KIR2DL3: variants seen among roughly 807,000 people sequenced by gnomAD.
The protein encoded by KIR2DL3 is killer cell immunoglobulin like receptor, two Ig domains and long cytoplasmic tail 3.
In KIR2DL3, 39 loss-of-function variants were observed where a neutral mutation model predicts 33.8. That is an observed-to-expected ratio of 1.15 (90% CI 0.89 to 1.51). KIR2DL3 has a LOEUF of 1.51. Among genes scored for constraint, KIR2DL3 ranks in the 40% most tolerant of loss-of-function variants. The pLI is 0.00. For synonymous variants in KIR2DL3, 174 were observed against 160.2 expected (o/e 1.09, Z -0.65); for missense variants, 462 against 426.2 (o/e 1.08, Z -0.74).
chr19:54,748,689 T>C (rs2072950703), intron 5 of KIR2DL3, among the ~76,000 whole-genome samples: 1 of 144,988 alleles, frequency 6.9e-6, no homozygotes, highest in South Asian at 2.2e-4. Context: ...TGTCACGATC[T>C]TGGCTCACTG....
In KIR2DL3 at chr19:54,742,000, C is replaced by T. The variant is rs780975793; in HGVS notation, c.91C>T (p.Leu31Phe). Residue 31 changes from leucine to phenylalanine, a missense_variant, in exon 3 of 8, where the codon CTC becomes TTC. Transcript: ENST00000342376. ...CCTAGGAGTCCACAGAAAACCTTCC[C>T]TCCTGGCCCACCCAGGTCCCCTGGT... ...PHEGVHRKPS[L>F]LAHPGPLVKS... The T allele has an allele frequency of 1.1e-4, 183 of 1,610,918 alleles. No individual in the cohort carries two copies. The highest frequency in any genetic ancestry group is 1.5e-4 in the Non-Finnish European group (175 of 1,178,544).
At chr19:54,747,668 C>T (rs1466910119) in intron 5 of KIR2DL3, among the ~76,000 whole-genome samples, 2 of 152,206 alleles carry the variant, frequency 1.3e-5, no homozygotes, top group African/African-American at 4.8e-5. Context: ...GTTCTGCCTG[C>T]ATTCCTAACT....
intron 5 of KIR2DL3, among the ~76,000 whole-genome samples, chr19:54,749,756 G>A (rs2073141025): frequency 1.4e-5 from 1 of 69,296 alleles, no homozygotes. Context: ...AATTAGCCGA[G>A]CACGATGGTG....
rs1283716641 is a variant in KIR2DL3 at position 54,738,725 on chromosome 19, CTGGGCCTGGAGTGGAGATA to C, written c.34+158_34+176del. On this transcript the variant is annotated intron_variant, in intron 1 of 7. Transcript: ENST00000342376. ...GGAGATCTGGGCCTGGAGTGGAGAT[CTGGGCCTGGAGTGGAGATA>C]TGGGCCTGGAGGTTGAGATATGGGC... 5.3e-3 allele frequency: 3,498 copies of C among 658,658 alleles called. 87 individuals are homozygous for C. In the African/African-American group the frequency reaches 0.074, roughly 14 times the overall value. 40.8% of individuals were successfully genotyped at this position (658,658 alleles called of 1,614,324 possible).
chr19:54,752,458 G>T lies in KIR2DL3; in HGVS notation c.965G>T (p.Arg322Met). The change falls in exon 8 of 8, where the codon AGG (arginine) becomes ATG (methionine). Residue 322 changes from arginine (R) to methionine (M), a missense_variant. Transcript: ENST00000342376. ...AGAAAAATCACTCGCCCTTCTCAGAGGCCCAAGACACCCCCAACAGATATC... is the reference window on the plus strand; with the variant it reads ...AGAAAAATCACTCGCCCTTCTCAGATGCCCAAGACACCCCCAACAGATATC... ...TQRKITRPSQ[R>M]PKTPPTDIIV... 6.8e-7 allele frequency: 1 copy of T among 1,465,650 alleles called. No individual in the cohort carries two copies. The highest frequency in any genetic ancestry group is 1.5e-5 in the African/African-American group (1 of 64,946). The allele number at this position is 1,465,650 out of a possible 1,614,324, so 90.8% of individuals were successfully genotyped here. A position where few individuals can be genotyped will look rare whatever the true frequency, so the allele number is the denominator to read the frequency against.
chr19:54,747,864 A>G (rs1265980071), intron 5 of KIR2DL3, among the ~76,000 whole-genome samples: 3 of 152,140 alleles, frequency 2.0e-5, no homozygotes, highest in African/African-American at 7.2e-5. Flanking sequence ...GCACACTTCG[A>G]CTCACTGACT....
intron 5 of KIR2DL3, among the ~76,000 whole-genome samples, chr19:54,748,301 C>A (rs369008672): frequency 1.1e-4 from 17 of 151,310 alleles, no homozygotes; most frequent in South Asian, 8.5e-4. Context: ...ATGAAAATCC[C>A]TCATAATCTC....
chr19:54,743,209 C>T (rs1450726418), intron 3 of KIR2DL3, among the ~76,000 whole-genome samples: 1 of 151,942 alleles, frequency 6.6e-6, no homozygotes, highest in African/African-American at 2.4e-5. Context: ...GTTAAAGATA[C>T]ATAGATGATG....
intron 5 of KIR2DL3, among the ~76,000 whole-genome samples, chr19:54,747,922 C>T (rs1460935627): frequency 2.0e-5 from 3 of 152,228 alleles, no homozygotes; most frequent in Non-Finnish European, 4.4e-5. Flanking sequence ...GGAACCTTTT[C>T]CTATTGTTGC....
At chr19:54,744,922 A>ATATATATATGTGTG (rs2072110707) in intron 4 of KIR2DL3, among the ~76,000 whole-genome samples, 1 of 14,092 alleles carries the variant, frequency 7.1e-5, no homozygotes, top group East Asian at 1.6e-3. Context: ...ATATATAAAC[A>ATATATATATGTGTG]TATATATATA....
intron 4 of KIR2DL3, 84 bp downstream of exon 4, chr19:54,744,172 T>C (rs2071791940): frequency 1.5e-5 from 23 of 1,577,756 alleles, no homozygotes; most frequent in South Asian, 1.1e-4. Flanking sequence ...GAGAGAAGCA[T>C]GGACAGATGC....
rs1390043644 is a variant in KIR2DL3 at position 54,752,655 on chromosome 19, A to G, written c.*136A>G. The G allele has an allele frequency of 1.5e-3, 1,776 of 1,175,124 alleles. 240 individuals are homozygous for G. In the African/African-American group the frequency reaches 0.026, roughly 17 times the overall value. The allele number at this position is 1,175,124 out of a possible 1,614,324, so 72.8% of individuals were successfully genotyped here. ...CTGGAATCTGAAGGCGTGAGTCTGC[A>G]TCTTAGGGCATCGCTCTTCCTCACA... On this transcript the variant is annotated 3_prime_UTR_variant, in exon 8 of 8. Coordinates refer to ENST00000342376, the MANE Select transcript of KIR2DL3 (RefSeq NM_015868.3).
chr19:54,740,528 A>G (rs2070842175), intron 2 of KIR2DL3, among the ~76,000 whole-genome samples: 1 of 151,060 alleles, frequency 6.6e-6, no homozygotes, highest in African/African-American at 2.4e-5. Flanking sequence ...GCACCCAGCA[A>G]CCCCCTGGTG....
intron 4 of KIR2DL3, among the ~76,000 whole-genome samples, chr19:54,744,880 A>ATATATATATATGTATG (rs2072025480): frequency 1.3e-5 from 1 of 74,460 alleles, no homozygotes; most frequent in Non-Finnish European, 2.8e-5. Flanking sequence ...TTATATATAT[A>ATATATATATATGTATG]TATATATATA....
intron 4 of KIR2DL3, among the ~76,000 whole-genome samples, chr19:54,746,111 C>A (rs370059167): frequency 7.4e-6 from 1 of 134,466 alleles, no homozygotes; most frequent in African/African-American, 2.8e-5. Flanking sequence ...CCACGCCCGG[C>A]CTAAAATCCA....
intron 4 of KIR2DL3, among the ~76,000 whole-genome samples, 192 bp downstream of exon 4, chr19:54,744,280 G>C (rs778682854): frequency 1.3e-5 from 2 of 152,068 alleles, no homozygotes; most frequent in African/African-American, 2.4e-5. Context: ...ATGAAGGCCC[G>C]CGGCCAGGGC....
rs1262174180 is a variant in KIR2DL3, at chr19:54,743,689, G to A, written c.371-106G>A. On this transcript the variant is annotated intron_variant, in intron 3 of 7. Transcript: ENST00000342376. ...TGGGGTGGAGGGTGAGAGAGAGAGA[G>A]AGAGAGAGCATTAGGTCATAGAGCA... 2.1e-5 allele frequency: 21 copies of A among 978,756 alleles called. No individual in the cohort carries two copies. The East Asian group carries it at 4.8e-4, about 23-fold the overall frequency. The allele number at this position is 978,756 out of a possible 1,614,324, so 60.6% of individuals were successfully genotyped here.
chr19:54,738,865 G>T (rs1490502796), intron 1 of KIR2DL3, among the ~76,000 whole-genome samples: 14 of 64,162 alleles, frequency 2.2e-4, no homozygotes, highest in African/African-American at 8.5e-4. Context: ...AGAGATAGGG[G>T]CCTGGAGTGG....
intron 5 of KIR2DL3, among the ~76,000 whole-genome samples, chr19:54,747,663 G>C (rs1469454678): frequency 6.6e-6 from 1 of 152,180 alleles, no homozygotes. Flanking sequence ...TGTTTGTTCT[G>C]CCTGCATTCC....
Sources: gnomAD v4.1 joint callset for allele counts (sites outside exome capture counted in the v4.1 genomes callset) on GRCh38, gnomAD v4.1.1 for gene constraint, MANE v1.5 for transcripts, NCBI Gene and HGNC (gene_info 2026-07-23, HGNC 2026-07-21) for gene names.